Variants in HDAC8 observed in about 807,000 individuals in gnomAD.
The protein encoded by HDAC8 is histone deacetylase-like 1.
A neutral mutation model predicts 32.2 loss-of-function variants in HDAC8; 1 was observed. The ratio of observed to expected loss-of-function variants is 0.03; its 90% CI spans 0.01 to 0.15. The LOEUF is 0.15. Ranked by LOEUF, HDAC8 falls within the 10% of genes least tolerant of loss-of-function variation. The pLI, the probability that HDAC8 is intolerant of heterozygous loss-of-function variation, is 1.00. For synonymous variants in HDAC8, 108 were observed against 113.9 expected (o/e 0.95, Z 0.33); for missense variants, 117 against 300.0 (o/e 0.39, Z 4.51).
intron 9 of HDAC8, among the ~76,000 whole-genome samples, chrX:72,374,898 C>T (rs1186320315): frequency 1.8e-5 from 2 of 108,142 alleles, no homozygotes; most frequent in African/African-American, 6.8e-5. Flanking sequence ...CCTTGACCTC[C>T]TGGGCTCAAA....
chrX:72,566,313 A>C (rs1462932986), intron 4 of HDAC8, among the ~76,000 whole-genome samples: 2 of 111,826 alleles, frequency 1.8e-5, no homozygotes, highest in African/African-American at 3.3e-5. Context: ...CAAAAAACAA[A>C]AAACAAACAA....
chrX:72,458,340 G>A (rs1223405589), intron 9 of HDAC8, among the ~76,000 whole-genome samples: 4 of 112,383 alleles, frequency 3.6e-5, no homozygotes, highest in African/African-American at 1.3e-4. Context: ...TGGTATCACC[G>A]GTTTTATATT....
chrX:72,434,788 A>G (rs1201559422), intron 9 of HDAC8, among the ~76,000 whole-genome samples: 3 of 111,927 alleles, frequency 2.7e-5, no homozygotes, highest in Non-Finnish European at 3.8e-5. Context: ...TATGTCAGCC[A>G]CCATTCTAAA....
intron 7 of HDAC8, among the ~76,000 whole-genome samples, chrX:72,479,894 G>C (rs1437320957): frequency 8.9e-6 from 1 of 112,166 alleles, no homozygotes; most frequent in Non-Finnish European, 1.9e-5. Flanking sequence ...GAGGTTTCAG[G>C]ATAACTCAGT....
At chrX:72,513,940 ATTTTC>A (rs1317690995) in intron 4 of HDAC8, among the ~76,000 whole-genome samples, 1 of 111,910 alleles carries the variant, frequency 8.9e-6, no homozygotes, top group Non-Finnish European at 1.9e-5. Context: ...ACCATTAACC[ATTTTC>A]TTTTAAGTGA....
intron 4 of HDAC8, among the ~76,000 whole-genome samples, chrX:72,531,090 G>A (rs1421719673): frequency 9.0e-6 from 1 of 111,572 alleles, no homozygotes; most frequent in East Asian, 2.8e-4. Context: ...CCAGAGCAAG[G>A]AATGATTGGT....
chrX:72,410,262 G>A (rs1186705350), intron 9 of HDAC8, among the ~76,000 whole-genome samples: 2 of 110,821 alleles, frequency 1.8e-5, no homozygotes, highest in East Asian at 5.7e-4. Flanking sequence ...TGGAAACACC[G>A]TTAAAGTGAA....
intron 9 of HDAC8, among the ~76,000 whole-genome samples, chrX:72,421,384 C>A (rs934487000): frequency 9.9e-5 from 11 of 111,503 alleles, no homozygotes; most frequent in Admixed American, 1.9e-4. Flanking sequence ...TCCCCAACCC[C>A]CTCCCGACAG....
chrX:72,446,535 C>T (rs186421998), intron 9 of HDAC8, among the ~76,000 whole-genome samples: 2,098 of 106,379 alleles, frequency 0.02, 57 homozygotes, highest in African/African-American at 0.068. Context: ...GGGACTGTTG[C>T]GGGGTGGGGG....
chrX:72,402,981 T>C (rs1024389558), intron 9 of HDAC8, among the ~76,000 whole-genome samples: 3 of 112,197 alleles, frequency 2.7e-5, no homozygotes, highest in Non-Finnish European at 5.6e-5. Flanking sequence ...TTTATGGTTG[T>C]TGTTTGCATG....
chrX:72,479,955 G>A (rs1556002317), intron 7 of HDAC8, among the ~76,000 whole-genome samples: 1 of 111,845 alleles, frequency 8.9e-6, no homozygotes, highest in Non-Finnish European at 1.9e-5. Flanking sequence ...GACACACTTA[G>A]TGCCTCTTGA....
At chrX:72,473,819 C>G in intron 7 of HDAC8, 1 of 754,680 alleles carries the variant, frequency 1.3e-6, no homozygotes, top group Non-Finnish European at 1.6e-6. Flanking sequence ...TTCCCTCATT[C>G]TAAAACCTTC....
At chrX:72,487,946 A>G (rs1451753766) in intron 7 of HDAC8, among the ~76,000 whole-genome samples, 2 of 110,326 alleles carry the variant, frequency 1.8e-5, no homozygotes, top group African/African-American at 6.6e-5. Flanking sequence ...AAAAAAAAAA[A>G]AAAAAAGTTT....
intron 2 of HDAC8, 153 bp downstream of exon 2, chrX:72,571,904 G>A: frequency 2.1e-6 from 1 of 466,336 alleles, no homozygotes; most frequent in Admixed American, 4.9e-5. Context: ...GCTTTCTTGG[G>A]ATTACAGGCA....
At chrX:72,411,358 G>A (rs192263244) in intron 9 of HDAC8, among the ~76,000 whole-genome samples, 2 of 111,767 alleles carry the variant, frequency 1.8e-5, no homozygotes, top group East Asian at 5.6e-4. Context: ...TGTTCCCTCC[G>A]CCTGGAATGC....
chrX:72,364,911 T>C lies in HDAC8; in HGVS notation c.1006-13073A>G, dbSNP rs782757307. On this transcript the variant is annotated intron_variant, in intron 9 of 10. Coordinates refer to ENST00000373573, the MANE Select transcript of HDAC8 (RefSeq NM_018486.3). ...GATGAGCAATGATTTTTTTTCCTCA[T>C]TACTTGTTAAACAAAGAAAACTATA... Among the ~76,000 whole-genome samples the C allele has an allele frequency of 2.4e-4, 27 of 111,812 alleles. No individual in the cohort carries two copies. In the South Asian group the frequency reaches 9.5e-3, roughly 39 times the overall value.
intron 9 of HDAC8, among the ~76,000 whole-genome samples, chrX:72,451,035 A>T (rs1361077811): frequency 1.2e-4 from 13 of 111,529 alleles, no homozygotes; most frequent in African/African-American, 4.2e-4. Flanking sequence ...AAAAATCTGA[A>T]ATCCAAAACA....
intron 9 of HDAC8, among the ~76,000 whole-genome samples, chrX:72,434,084 G>A (rs2046889196): frequency 8.9e-6 from 1 of 112,226 alleles, no homozygotes; most frequent in Admixed American, 9.4e-5. Context: ...TTTCTCTCAT[G>A]TATTCCTTAA....
chrX:72,514,818 C>A (rs2049730221), intron 4 of HDAC8, among the ~76,000 whole-genome samples: 1 of 111,519 alleles, frequency 9.0e-6, no homozygotes, highest in South Asian at 3.8e-4. Flanking sequence ...AGGACCAGTC[C>A]AAAAATTAGA....
Sources: allele counts gnomAD v4.1 joint callset (sites outside exome capture counted in the v4.1 genomes callset), GRCh38; gene constraint gnomAD v4.1.1; transcripts MANE v1.5; gene names NCBI Gene and HGNC (gene_info 2026-07-23, HGNC 2026-07-21).